The following AGBL4 variants were observed in gnomAD, a reference collection of about 807,000 sequenced individuals.
AGBL4 encodes AGBL carboxypeptidase 4, also known as cytosolic carboxypeptidase 6.
Under a neutral mutation model 66.4 loss-of-function variants are expected in AGBL4, and 58 were observed. The ratio of observed to expected loss-of-function variants is 0.87; its 90% CI spans 0.71 to 1.09. The LOEUF is 1.09. AGBL4 is among the 50% of genes least tolerant of loss of function. The pLI, the probability that AGBL4 is intolerant of heterozygous loss-of-function variation, is 0.00. For synonymous variants in AGBL4, 234 were observed against 222.9 expected (o/e 1.05, Z -0.44); for missense variants, 579 against 631.0 (o/e 0.92, Z 0.88).
intron 8 of AGBL4, among the ~76,000 whole-genome samples, chr1:48,649,361 G>A (rs900393797): frequency 3.3e-5 from 5 of 152,352 alleles, no homozygotes; most frequent in Admixed American, 2.6e-4. Context: ...GGTGCAGTAA[G>A]TAAGACAGAG....
intron 12 of AGBL4, among the ~76,000 whole-genome samples, chr1:48,535,903 C>T (rs1643963510): frequency 6.6e-6 from 1 of 152,030 alleles, no homozygotes; most frequent in South Asian, 2.1e-4. Context: ...AGCTCAGTAA[C>T]AGTCATGGAT....
chr1:49,407,436 G>A (rs2148621572), intron 3 of AGBL4, among the ~76,000 whole-genome samples: 1 of 152,304 alleles, frequency 6.6e-6, no homozygotes, highest in South Asian at 2.1e-4. Flanking sequence ...CCAAGTCACA[G>A]TGCAGATTTT....
downstream of AGBL4, among the ~76,000 whole-genome samples, chr1:48,531,650 A>G (rs1268070357): frequency 6.6e-6 from 1 of 152,188 alleles, no homozygotes; most frequent in Non-Finnish European, 1.5e-5. Context: ...AGGAGAGGTA[A>G]TAAACTTGTT....
chr1:49,320,858 A>G (rs960241942), intron 3 of AGBL4, among the ~76,000 whole-genome samples: 4 of 152,158 alleles, frequency 2.6e-5, no homozygotes, highest in Admixed American at 2.6e-4. Context: ...GAAATTTACA[A>G]TCATAGCAGA....
chr1:48,629,100 G>A (rs1458419823), intron 9 of AGBL4, among the ~76,000 whole-genome samples: 3 of 152,120 alleles, frequency 2.0e-5, no homozygotes, highest in Admixed American at 1.3e-4. Context: ...TTGTTATTTA[G>A]CTTCATCAAA....
intron 12 of AGBL4, among the ~76,000 whole-genome samples, chr1:48,538,592 T>G (rs1445791815): frequency 6.6e-6 from 1 of 152,004 alleles, no homozygotes. Flanking sequence ...TCCCAAAAAC[T>G]CTTTGACCTC....
intron 1 of AGBL4, among the ~76,000 whole-genome samples, chr1:49,954,051 A>C (rs1257404149): frequency 6.6e-6 from 1 of 151,578 alleles, no homozygotes; most frequent in African/African-American, 2.4e-5. Flanking sequence ...GTGCCACTCC[A>C]CCCAGCTAAT....
chr1:49,988,111 T>A (rs1176528514), intron 1 of AGBL4, among the ~76,000 whole-genome samples: 2 of 152,120 alleles, frequency 1.3e-5, no homozygotes, highest in Non-Finnish European at 2.9e-5. Context: ...CAGTATGTCA[T>A]CAATTTTATA....
In AGBL4 at chr1:48,760,256, G is replaced by C. The variant is rs141655629; in HGVS notation, c.635-97015C>G. ...TACAGCTTCTACTGAGGGGCAGTGA[G>C]AGTTACAAGATCAAATGAATTCTTC... On this transcript the variant is annotated intron_variant, in intron 6 of 13. Coordinates refer to ENST00000371839, the MANE Select transcript of AGBL4 (RefSeq NM_032785.4). 5.6e-4 allele frequency among the ~76,000 whole-genome samples: 86 copies of C among 152,324 alleles called. No individual in the cohort carries two copies. In the East Asian group the frequency reaches 0.016, roughly 28 times the overall value.
chr1:49,251,776 C>T (rs1476622585), intron 3 of AGBL4, among the ~76,000 whole-genome samples: 1 of 152,146 alleles, frequency 6.6e-6, no homozygotes, highest in African/African-American at 2.4e-5. Context: ...AATACAAGTC[C>T]CCCAGAGTTA....
intron 2 of AGBL4, among the ~76,000 whole-genome samples, chr1:49,717,083 A>G (rs1648205360): frequency 6.6e-6 from 1 of 152,258 alleles, no homozygotes; most frequent in African/African-American, 2.4e-5. Flanking sequence ...GCAAAATCTC[A>G]TGATACAAAA....
chr1:49,026,878 T>C (rs929383389), intron 5 of AGBL4, among the ~76,000 whole-genome samples: 3 of 152,236 alleles, frequency 2.0e-5, no homozygotes, highest in African/African-American at 4.8e-5. Flanking sequence ...GTTTAATGAA[T>C]AATTTGTTCA....
At chr1:49,321,283 GC>G (rs1014829206) in intron 3 of AGBL4, among the ~76,000 whole-genome samples, 163 of 152,144 alleles carry the variant, frequency 1.1e-3, no homozygotes, top group African/African-American at 3.8e-3. Context: ...TATACAGTAA[GC>G]ACTCAAAAAA....
intron 6 of AGBL4, among the ~76,000 whole-genome samples, chr1:48,788,362 C>T (rs1450204060): frequency 6.6e-6 from 1 of 152,210 alleles, no homozygotes; most frequent in Admixed American, 6.5e-5. Context: ...GATTTTCCTC[C>T]TCCCTGAAGG....
intron 4 of AGBL4, among the ~76,000 whole-genome samples, chr1:49,156,466 A>G (rs1407312699): frequency 1.3e-5 from 2 of 152,168 alleles, no homozygotes; most frequent in Non-Finnish European, 2.9e-5. Flanking sequence ...TAAATTAGCT[A>G]GATTGTTCTA....
intron 6 of AGBL4, among the ~76,000 whole-genome samples, chr1:48,844,074 C>T (rs889386137): frequency 1.3e-5 from 2 of 152,208 alleles, no homozygotes; most frequent in Admixed American, 1.3e-4. Context: ...CCCCCCAACA[C>T]CAGCCATGCT....
intron 3 of AGBL4, among the ~76,000 whole-genome samples, chr1:49,451,952 A>G (rs1646286089): frequency 6.6e-6 from 1 of 151,934 alleles, no homozygotes; most frequent in Non-Finnish European, 1.5e-5. Context: ...ATTGAGATCC[A>G]TACATATACA....
intron 5 of AGBL4, among the ~76,000 whole-genome samples, chr1:48,986,106 C>G (rs1660158897): frequency 6.6e-6 from 1 of 151,724 alleles, no homozygotes; most frequent in African/African-American, 2.4e-5. Context: ...AGAAACTAAC[C>G]AAAAAGAAAC....
intron 3 of AGBL4, among the ~76,000 whole-genome samples, chr1:49,335,806 T>C (rs966937551): frequency 7.2e-5 from 11 of 152,150 alleles, no homozygotes; most frequent in African/African-American, 9.7e-5. Flanking sequence ...TGAGCCACCG[T>C]GCCTGGCCTA....
Sources: allele counts gnomAD v4.1 joint callset (sites outside exome capture counted in the v4.1 genomes callset), GRCh38; gene constraint gnomAD v4.1.1; transcripts MANE v1.5; gene names NCBI Gene and HGNC (gene_info 2026-07-23, HGNC 2026-07-21).